The following PRSS55 variants were observed in gnomAD, a reference collection of about 807,000 sequenced individuals.
The protein encoded by PRSS55 is serine protease 55, also known as probable serine protease UNQ9391/PRO34284.
In PRSS55, 41 loss-of-function variants were observed where a neutral mutation model predicts 23.6. That is an observed-to-expected ratio of 1.74 (90% CI 1.35 to 2.26). The LOEUF (loss-of-function observed/expected upper bound fraction) is 2.26, where lower values mean the gene tolerates loss of function less well. Ranked by LOEUF, PRSS55 falls within the 30% of genes most tolerant of loss-of-function variation. PRSS55 has a pLI of 0.00. For missense variants in PRSS55, 669 were observed against 439.1 expected (o/e 1.52, Z -4.68); for synonymous variants, 262 against 175.5 (o/e 1.49, Z -3.90).
chr8:10,533,686 G>A (rs928993750), intron 4 of PRSS55, among the ~76,000 whole-genome samples: 2 of 152,126 alleles, frequency 1.3e-5, no homozygotes, highest in African/African-American at 4.8e-5. Flanking sequence ...ATGCTCAGAG[G>A]TGCTCCCTTC....
At chr8:10,526,503 G>A (rs1256012212) in intron 1 of PRSS55, among the ~76,000 whole-genome samples, 1 of 152,224 alleles carries the variant, frequency 6.6e-6, no homozygotes, top group Non-Finnish European at 1.5e-5. Flanking sequence ...TGAACAAGGG[G>A]TGGGAGGCAT....
chr8:10,528,066 A>T (rs12676744), intron 1 of PRSS55, among the ~76,000 whole-genome samples: 88,706 of 151,766 alleles, frequency 0.58, 26,766 homozygotes, highest in South Asian at 0.77. Context: ...AAATACAAAA[A>T]CTGTAGTCCC....
At chr8:10,527,840 T>C (rs1812089074) in intron 1 of PRSS55, among the ~76,000 whole-genome samples, 1 of 152,238 alleles carries the variant, frequency 6.6e-6, no homozygotes, top group South Asian at 2.1e-4. Context: ...GAATCGGTGC[T>C]TGCAAAGTGC....
intron 4 of PRSS55, among the ~76,000 whole-genome samples, chr8:10,544,530 G>C (rs1812765367): frequency 6.6e-6 from 1 of 152,114 alleles, no homozygotes; most frequent in Non-Finnish European, 1.5e-5. Context: ...GATATAGTTT[G>C]ATTTACATAT....
downstream of PRSS55, among the ~76,000 whole-genome samples, chr8:10,539,481 T>A (rs1401786676): frequency 6.6e-6 from 1 of 152,206 alleles, no homozygotes; most frequent in Non-Finnish European, 1.5e-5. Flanking sequence ...CTGTAACCCT[T>A]CTATGGAGCA....
Position 10,550,630 on chromosome 8 carries a change from T to C in PRSS55, c.742-3313T>C, listed in dbSNP as rs568252938. ...CTTCTGAGACCGATTGCCTGAAGTT[T>C]CCCAACCAGCCTTCCTCTCTCCTGC... is the stretch of plus-strand genomic sequence containing the variant. On this transcript the variant is annotated intron_variant, in intron 4 of 4. Coordinates refer to the PRSS55 transcript ENST00000522210. Among the ~76,000 whole-genome samples, 21 of 152,302 alleles carry C rather than the reference T, an allele frequency of 1.4e-4. No homozygotes were observed. In the East Asian group the frequency reaches 4.1e-3, roughly 29 times the overall value.
rs1306093188 is a variant in PRSS55, at chr8:10,538,710, G to C, written c.976G>C (p.Gly326Arg). The C allele has an allele frequency of 2.5e-6, 4 of 1,613,866 alleles. No homozygotes were observed. The African/African-American group carries it at 4.0e-5, about 16-fold the overall frequency. Reference protein sequence around the residue: ...KQKPMGSPVSGVPEPGSPRSW... With the variant: ...KQKPMGSPVSRVPEPGSPRSW... The stretch of plus-strand genomic sequence containing the variant: ...GAAACCTATGGGCTCCCCAGTCTCG[G>C]GAGTCCCAGAGCCAGGCAGCCCCAG... The change falls in exon 5 of 5, where the codon GGA becomes CGA. Residue 326 changes from glycine (G) to arginine (R), a missense_variant. Transcript: ENST00000328655.
intron 4 of PRSS55, among the ~76,000 whole-genome samples, chr8:10,552,307 G>A (rs559309091): frequency 6.6e-6 from 1 of 152,284 alleles, no homozygotes; most frequent in Admixed American, 6.5e-5. Flanking sequence ...GCTACGGATG[G>A]CTGGAGGCCT....
At chr8:10,533,410 C>T (rs528121581) in intron 4 of PRSS55, among the ~76,000 whole-genome samples, 1 of 152,230 alleles carries the variant, frequency 6.6e-6, no homozygotes, top group South Asian at 2.1e-4. Context: ...CTTTGTTGAG[C>T]ATACAAGGCC....
chr8:10,542,025 C>A (rs898918935), downstream of PRSS55, among the ~76,000 whole-genome samples: 6 of 152,188 alleles, frequency 3.9e-5, no homozygotes, highest in Non-Finnish European at 7.3e-5. Context: ...AGTCCTCCTG[C>A]CATGGCCTCC....
chr8:10,532,431 C>G (rs1812301837), intron 3 of PRSS55, among the ~76,000 whole-genome samples: 2 of 152,204 alleles, frequency 1.3e-5, no homozygotes, highest in South Asian at 4.1e-4. Context: ...TGCAAATCCC[C>G]TCTAATCCCA....
chr8:10,533,106 T>G, intron 4 of PRSS55, 58 bp downstream of exon 4: 1 of 1,560,580 alleles, frequency 6.4e-7, no homozygotes, highest in Admixed American at 1.7e-5. Flanking sequence ...GAACTGCCAG[T>G]GCAAGGGTAT....
At chr8:10,539,838 C>G (rs149355333), downstream of PRSS55, among the ~76,000 whole-genome samples, 1 of 152,350 alleles carries the variant, frequency 6.6e-6, no homozygotes, top group East Asian at 1.9e-4. Flanking sequence ...TCAGGTACGT[C>G]TTTATCAGCT....
chr8:10,528,580 C>A (rs535253589), intron 1 of PRSS55, among the ~76,000 whole-genome samples: 1 of 152,236 alleles, frequency 6.6e-6, no homozygotes, highest in Admixed American at 6.5e-5. Context: ...TGCTCTCAGT[C>A]CCCTAAGTAA....
chr8:10,533,349 G>C (rs1348181455), intron 4 of PRSS55, among the ~76,000 whole-genome samples: 2 of 152,174 alleles, frequency 1.3e-5, no homozygotes, highest in Non-Finnish European at 2.9e-5. Context: ...AAAATCCAAG[G>C]AGGATTTGGT....
intron 4 of PRSS55, among the ~76,000 whole-genome samples, chr8:10,551,102 C>G (rs949737372): frequency 1.3e-5 from 2 of 152,150 alleles, no homozygotes; most frequent in African/African-American, 4.8e-5. Context: ...GAGCACTTTC[C>G]AAGACCCCTT....
intron 4 of PRSS55, among the ~76,000 whole-genome samples, chr8:10,536,823 A>G (rs1812471904): frequency 6.6e-6 from 1 of 152,236 alleles, no homozygotes; most frequent in Admixed American, 6.5e-5. Context: ...TTGAATACAC[A>G]TGGACACAAA....
intron 1 of PRSS55, among the ~76,000 whole-genome samples, chr8:10,527,804 C>T (rs1289894149): frequency 6.6e-6 from 1 of 152,212 alleles, no homozygotes; most frequent in Non-Finnish European, 1.5e-5. Flanking sequence ...GGGCCTACCT[C>T]AATAGGGCAG....
In PRSS55 at chr8:10,545,928, C is replaced by T. The variant is rs969398197; in HGVS notation, c.742-8015C>T. ...GTCCTGGCTTATTGCTCTTTGCTTG[C>T]GTGTGTGAATGCTGGGCCCCTCCCT... On this transcript the variant is annotated intron_variant, in intron 4 of 4. Coordinates refer to the PRSS55 transcript ENST00000522210. Among the ~76,000 whole-genome samples the T allele has an allele frequency of 2.6e-5, 4 of 152,176 alleles. No individual in the cohort carries two copies. In the South Asian group the frequency reaches 6.2e-4, roughly 24 times the overall value.
Sources: gnomAD v4.1 joint callset for allele counts (sites outside exome capture counted in the v4.1 genomes callset) on GRCh38, gnomAD v4.1.1 for gene constraint, MANE v1.5 for transcripts, NCBI Gene and HGNC (gene_info 2026-07-23, HGNC 2026-07-21) for gene names.